Variants in CYP2F1 observed in about 807,000 individuals in gnomAD.
CYP2F1 encodes cytochrome P450 family 2 subfamily F member 1.
CYP2F1 carries 33 observed loss-of-function variants against 40.4 expected under a neutral mutation model. The observed-to-expected ratio is 0.82, with a 90% confidence interval of 0.62 to 1.09. The LOEUF is 1.09. CYP2F1 is among the 50% of genes least tolerant of loss of function. The probability of loss-of-function intolerance (pLI) is 0.00; values close to 1 mark genes in which losing one functional copy is unlikely to be tolerated. For missense variants in CYP2F1, 566 were observed against 655.7 expected (o/e 0.86, Z 1.49); for synonymous variants, 235 against 277.2 (o/e 0.85, Z 1.51).
In CYP2F1 at chr19:41,117,830, C is replaced by CTTTATTTA. The variant is rs71896870; in HGVS notation, c.334+1241_334+1248dup. On this transcript the variant is annotated intron_variant, in intron 3 of 9. Transcript: ENST00000331105. ...TCACCCTAGTCCTGTGGTCTTCAAACTTTATTTATTTATTTATTTATTTAT... is the reference window on the plus strand; with the variant it reads ...TCACCCTAGTCCTGTGGTCTTCAAACTTTATTTATTTATTTATTTATTTATTTATTTAT... Among the ~76,000 whole-genome samples the CTTTATTTA allele has an allele frequency of 2.7e-3, 402 of 149,668 alleles. 2 individuals carry two copies. The highest frequency in any genetic ancestry group is 6.0e-3 in the Admixed American group (89 of 14,872).
At chr19:41,115,567 A>G (rs775518075) in intron 1 of CYP2F1, among the ~76,000 whole-genome samples, 2 of 152,194 alleles carry the variant, frequency 1.3e-5, no homozygotes, top group Non-Finnish European at 2.9e-5. Context: ...GATGATACAC[A>G]GATGATAGAT....
At chr19:41,124,245 T>C (rs868558288) in intron 7 of CYP2F1, among the ~76,000 whole-genome samples, 1,260 of 29,792 alleles carry the variant, frequency 0.042, 79 homozygotes, top group Non-Finnish European at 0.057. Context: ...TTTTTCCTCT[T>C]CCCCCCCCCC....
At position 41,122,966 on chromosome 19, in the gene CYP2F1, G is replaced by A; in HGVS notation, c.964+3G>A. 6.2e-7 allele frequency: 1 copy of A among 1,612,296 alleles called. No homozygotes were observed. The highest frequency in any genetic ancestry group is 8.5e-7 in the Non-Finnish European group (1 of 1,179,214). The stretch of plus-strand genomic sequence containing the variant: ...CATGAAGTACCCAAAAGTTCAAGGT[G>A]AGGCCCACCCACACAGCAGCGTGGA... On this transcript the variant is annotated splice_donor_region_variant and intron_variant, in intron 7 of 9. Transcript: ENST00000331105.
At chr19:41,123,427 AG>A (rs2032352811) in intron 7 of CYP2F1, 1 of 345,852 alleles carries the variant, frequency 2.9e-6, no homozygotes, top group South Asian at 2.2e-5. Flanking sequence ...CAAGTTGGCC[AG>A]GCTGGTCTCA....
chr19:41,116,526 C>T lies in CYP2F1; in HGVS notation c.243C>T (p.Tyr81=). 5 of 1,614,010 alleles carry T rather than the reference C, an allele frequency of 3.1e-6. No homozygotes were observed. Among genetic ancestry groups the T allele is most frequent in the Non-Finnish European group, 4.2e-6 (5 of 1,179,980 alleles). ...GPRRVVVLSG[Y]QAVKEALVDQ... The stretch of plus-strand genomic sequence containing the variant: ...GGCGGGTGGTGGTCCTCAGCGGGTA[C>T]CAAGCTGTGAAGGAGGCCCTGGTGG... The change falls in exon 3 of 10, where the codon TAC becomes TAT. Residue 81 remains tyrosine (Y), a synonymous_variant. Transcript: ENST00000331105.
rs762465626 is a variant in CYP2F1 at position 41,124,855 on chromosome 19, G to T, written c.1101G>T (p.Leu367Phe). 1 of 1,611,098 alleles carries T rather than the reference G, an allele frequency of 6.2e-7. No individual in the cohort carries two copies. Among genetic ancestry groups the T allele is most frequent in the Non-Finnish European group, 8.5e-7 (1 of 1,179,740 alleles). ...QRFADIIPMN[L>F]PHRVTRDTAF... ...TTGCAGACATCATCCCCATGAACTT[G>T]CCGCACCGCGTCACTAGGGACACGG... Residue 367 changes from leucine to phenylalanine, a missense_variant, in exon 8 of 10, where the codon TTG becomes TTT. This residue lies in a region of CYP2F1 where 128 missense variants were observed against 121.0 expected (regional missense o/e 1.06). Coordinates refer to ENST00000331105, the MANE Select transcript of CYP2F1 (RefSeq NM_000774.5).
intron 9 of CYP2F1, 39 bp downstream of exon 9, chr19:41,125,673 A>G (rs1368557571): frequency 6.2e-7 from 1 of 1,613,788 alleles, no homozygotes; most frequent in South Asian, 1.1e-5. Flanking sequence ...CCCAATTTCT[A>G]CCTACATTCC....
rs2031741043 is a variant in CYP2F1, at chr19:41,115,548, TAATAGAC to T, written c.-11-628_-11-622del. ...TGACAGACAGGTGATGATAGATAGA[TAATAGAC>T]AGATGATACACAGATGATAGATTAT... is the stretch of plus-strand genomic sequence containing the variant. On this transcript the variant is annotated intron_variant, in intron 1 of 9. Transcript: ENST00000331105. Among the ~76,000 whole-genome samples, 3 of 150,344 alleles carry T rather than the reference TAATAGAC, an allele frequency of 2.0e-5. No individual in the cohort carries two copies. In the Admixed American group the frequency reaches 2.0e-4, roughly 10 times the overall value.
intron 3 of CYP2F1, among the ~76,000 whole-genome samples, chr19:41,118,489 A>G (rs560726688): frequency 2.2e-4 from 34 of 152,262 alleles, no homozygotes; most frequent in Middle Eastern, 3.4e-3. Flanking sequence ...TTACAATATT[A>G]CAATATTGTG....
Position 41,121,491 on chromosome 19 carries a change from G to T in CYP2F1, c.518G>T (p.Arg173Leu), listed in dbSNP as rs140625276. 6.2e-7 allele frequency: 1 copy of T among 1,609,780 alleles called. No homozygotes were observed. The highest frequency in any genetic ancestry group is 1.1e-5 in the South Asian group (1 of 90,874). ...EPFDPTFVLS[R>L]SVSNIICSVL... ...TTTGACCCCACGTTTGTGCTGAGTC[G>T]CTCAGTGTCCAACATTATCTGTTCC... Residue 173 changes from arginine to leucine, a missense_variant, in exon 5 of 10, where the codon CGC becomes CTC. Coordinates refer to ENST00000331105, the MANE Select transcript of CYP2F1 (RefSeq NM_000774.5).
chr19:41,118,403 A>G (rs1412375060), intron 3 of CYP2F1, among the ~76,000 whole-genome samples: 1 of 152,154 alleles, frequency 6.6e-6, no homozygotes, highest in Non-Finnish European at 1.5e-5. Flanking sequence ...AAGAATGTCT[A>G]GGGCTCTCCC....
intron 3 of CYP2F1, among the ~76,000 whole-genome samples, chr19:41,117,006 C>A (rs2031856033): frequency 6.6e-6 from 1 of 152,118 alleles, no homozygotes; most frequent in Non-Finnish European, 1.5e-5. Flanking sequence ...ACATCAGCCC[C>A]ACCTTCATCC....
At chr19:41,126,499 C>T (rs1004305023) in intron 9 of CYP2F1, among the ~76,000 whole-genome samples, 3 of 152,012 alleles carry the variant, frequency 2.0e-5, no homozygotes, top group Admixed American at 6.6e-5. Flanking sequence ...CACCTGTAAT[C>T]CCATCACTTT....
chr19:41,123,390 C>A, intron 7 of CYP2F1: 2 of 349,610 alleles, frequency 5.7e-6, no homozygotes, highest in South Asian at 4.3e-5. Context: ...GCTAATTTTT[C>A]TATTTTTAGT....
At chr19:41,124,255 C>CCT (rs1568381420) in intron 7 of CYP2F1, among the ~76,000 whole-genome samples, 4 of 35,250 alleles carry the variant, frequency 1.1e-4, no homozygotes, top group Non-Finnish European at 1.9e-4. Flanking sequence ...TCCCCCCCCC[C>CCT]TTTTTTTTTT....
intron 8 of CYP2F1, 158 bp downstream of exon 8, chr19:41,125,064 C>T: frequency 1.6e-6 from 1 of 644,466 alleles, no homozygotes. Flanking sequence ...CCCTTAAATC[C>T]AGAAGCTCAG....
intron 7 of CYP2F1, among the ~76,000 whole-genome samples, chr19:41,124,251 C>A (rs1302475898): frequency 1.9e-5 from 2 of 103,222 alleles, no homozygotes; most frequent in East Asian, 3.2e-4. Flanking sequence ...CTCTTCCCCC[C>A]CCCCTTTTTT....
rs147516459 is a variant in CYP2F1, at chr19:41,121,962, C to A, written c.651C>A (p.Tyr217Ter). ...CTACTCTGTCTGGTCCCCAGTTGTA[C>A]GACATCTTCCCGAGCCTCCTGGACT... is the stretch of plus-strand genomic sequence containing the variant. ...QIMSSPWGEL[Y>*]DIFPSLLDWV... is the part of the protein sequence containing the mutation. The change falls in exon 6 of 10, where the codon TAC becomes TAA. Residue 217 changes from tyrosine (Y) to a stop codon, truncating the protein, a stop_gained. Coordinates refer to ENST00000331105, the MANE Select transcript of CYP2F1 (RefSeq NM_000774.5). LOFTEE classifies it high-confidence loss of function. The A allele has an allele frequency of 2.8e-4, 454 of 1,612,986 alleles. No individual in the cohort carries two copies. The highest frequency in any genetic ancestry group is 3.7e-4 in the Non-Finnish European group (432 of 1,179,596).
chr19:41,120,503 A>ATT lies in CYP2F1; in HGVS notation c.484+7_484+8insTT, dbSNP rs1354507852. The ATT allele has an allele frequency of 6.2e-7, 1 of 1,609,748 alleles. No individual in the cohort carries two copies. Among genetic ancestry groups the ATT allele is most frequent in the Admixed American group, 1.7e-5 (1 of 58,858 alleles). On this transcript the variant is annotated splice_region_variant and intron_variant, in intron 4 of 9. Coordinates refer to ENST00000331105, the MANE Select transcript of CYP2F1 (RefSeq NM_000774.5). The stretch of plus-strand genomic sequence containing the variant: ...GAGCTGCGGAAAACTGAAGGTCAGG[A>ATT]ATTTTTTTTAACAGGCTGGATGGCA...
Sources: allele counts gnomAD v4.1 joint callset (sites outside exome capture counted in the v4.1 genomes callset), GRCh38; gene constraint gnomAD v4.1.1; regional missense constraint gnomAD v4.1.1; transcripts MANE v1.5; gene names NCBI Gene and HGNC (gene_info 2026-07-23, HGNC 2026-07-21).